The following SPECC1 variants were observed in gnomAD, a reference collection of about 807,000 sequenced individuals.
SPECC1 encodes sperm antigen with calponin homology and coiled-coil domains 1.
In SPECC1, 62 loss-of-function variants were observed where a neutral mutation model predicts 104.1. The ratio of observed to expected loss-of-function variants is 0.60; its 90% CI spans 0.49 to 0.74. SPECC1 has a LOEUF of 0.74. Among genes scored for constraint, SPECC1 ranks in the 30% least tolerant of loss-of-function variants. The pLI is 0.00. For synonymous variants in SPECC1, 513 were observed against 501.6 expected (o/e 1.02, Z -0.30); for missense variants, 1,306 against 1,310.5 (o/e 1.00, Z 0.05).
rs185504874 is a variant in SPECC1 at position 20,222,449 on chromosome 17, T to G, written c.1864-4964T>G. 1.2e-3 allele frequency among the ~76,000 whole-genome samples: 181 copies of G among 152,360 alleles called. 1 individual carries two copies. Among genetic ancestry groups the G allele is most frequent in the African/African-American group, 3.8e-3 (160 of 41,586 alleles). ...TGCAGCCATTAGATGAAATGTTCTG[T>G]AAAGGTCTGTTAGTTCCATTTGTTT... On this transcript the variant is annotated intron_variant, in intron 4 of 14. Transcript: ENST00000395527.
chr17:20,317,512 A>G lies in SPECC1; in HGVS notation c.*3447A>G, dbSNP rs937299938. On this transcript the variant is annotated 3_prime_UTR_variant, in exon 15 of 15. Coordinates refer to ENST00000395527, the MANE Select transcript of SPECC1 (RefSeq NM_001243439.2). Reference sequence around the variant, plus strand: ...GACCTCAAGTGATAAGCCTGCCTCAACCTCCCAAAGTGCTGGGACTACAGG... The same window carrying G: ...GACCTCAAGTGATAAGCCTGCCTCAGCCTCCCAAAGTGCTGGGACTACAGG... 4.9e-5 allele frequency: 9 copies of G among 184,130 alleles called. 1 individual carries two copies. Among genetic ancestry groups the G allele is most frequent in the Admixed American group, 3.1e-4 (5 of 15,962 alleles). 11.4% of individuals were successfully genotyped at this position (184,130 alleles called of 1,614,324 possible).
chr17:20,201,636 G>A (rs918547368), intron 3 of SPECC1, among the ~76,000 whole-genome samples: 5 of 152,104 alleles, frequency 3.3e-5, no homozygotes, highest in Admixed American at 6.5e-5. Context: ...TTTTTAATAC[G>A]GTCCTTGCTG....
intron 1 of SPECC1, among the ~76,000 whole-genome samples, chr17:20,066,911 ATTTTT>A (rs371289652): frequency 1.7e-5 from 2 of 120,112 alleles, no homozygotes; most frequent in South Asian, 5.6e-4. Context: ...GGCTAATCAA[ATTTTT>A]TTTTTTTTTT....
At chr17:20,106,720 C>T (rs1389913047) in intron 2 of SPECC1, among the ~76,000 whole-genome samples, 1 of 152,158 alleles carries the variant, frequency 6.6e-6, no homozygotes, top group Non-Finnish European at 1.5e-5. Flanking sequence ...ATTGTGAGGC[C>T]TCCCTAGCCA....
In SPECC1 at chr17:20,226,907, GTT is replaced by G. The variant is rs574519060; in HGVS notation, c.1864-505_1864-504del. Among the ~76,000 whole-genome samples, 1,002 of 152,154 alleles carry G rather than the reference GTT, an allele frequency of 6.6e-3. 10 individuals carry two copies. Among genetic ancestry groups the G allele is most frequent in the African/African-American group, 0.023 (949 of 41,494 alleles). On this transcript the variant is annotated intron_variant, in intron 4 of 14. Coordinates refer to ENST00000395527, the MANE Select transcript of SPECC1 (RefSeq NM_001243439.2). Reference sequence around the variant, plus strand: ...GTGTGCAGATTAGCCTGGCTTCAGGGTTGTTGTTCACAGCTCAGCAGCAGAGG... The same window carrying G: ...GTGTGCAGATTAGCCTGGCTTCAGGGGTTGTTCACAGCTCAGCAGCAGAGG...
chr17:20,260,965 A>C (rs1250713928), intron 12 of SPECC1, among the ~76,000 whole-genome samples: 1 of 152,172 alleles, frequency 6.6e-6, no homozygotes, highest in East Asian at 1.9e-4. Flanking sequence ...GGACATTTGC[A>C]ACTTTGGTTG....
Position 20,318,688 on chromosome 17 carries a change from G to A in SPECC1, c.*4623G>A, listed in dbSNP as rs998937192. 1 of 226,220 alleles carries A rather than the reference G, an allele frequency of 4.4e-6. No individual in the cohort carries two copies. Among genetic ancestry groups the A allele is most frequent in the African/African-American group, 2.2e-5 (1 of 44,900 alleles). 14.0% of individuals were successfully genotyped at this position (226,220 alleles called of 1,614,324 possible). A position where few individuals can be genotyped will look rare whatever the true frequency, so the allele number is the denominator to read the frequency against. ...TTTTGAGATGACCTACCAATGACAT[G>A]CAGTAAAGGACATAACCTCACAGCC... is the stretch of plus-strand genomic sequence containing the variant. On this transcript the variant is annotated 3_prime_UTR_variant, in exon 15 of 15. Coordinates refer to ENST00000395527, the MANE Select transcript of SPECC1 (RefSeq NM_001243439.2).
At chr17:20,277,653 C>T (rs1426236985) in intron 12 of SPECC1, among the ~76,000 whole-genome samples, 2 of 152,162 alleles carry the variant, frequency 1.3e-5, no homozygotes, top group East Asian at 1.9e-4. Context: ...CATGGTTGTG[C>T]AACCATCACT....
In SPECC1 at chr17:20,053,922, C is replaced by CA. The variant is rs2045867880; in HGVS notation, c.-21-42707dup. The stretch of plus-strand genomic sequence containing the variant: ...GATTGGCTACACACCAGTATATAAC[C>CA]AATACACACGGCAAACCTTCCGTAT... On this transcript the variant is annotated intron_variant, in intron 1 of 14. Transcript: ENST00000395527. 2.0e-5 allele frequency among the ~76,000 whole-genome samples: 3 copies of CA among 152,294 alleles called. No individual in the cohort carries two copies. The South Asian group carries it at 6.2e-4, about 32-fold the overall frequency.
At chr17:20,186,728 G>T (rs756346720) in intron 3 of SPECC1, among the ~76,000 whole-genome samples, 1 of 151,718 alleles carries the variant, frequency 6.6e-6, no homozygotes, top group Non-Finnish European at 1.5e-5. Context: ...ACCACACCTG[G>T]GTTTTTTTTG....
intron 12 of SPECC1, among the ~76,000 whole-genome samples, chr17:20,276,302 T>C (rs906490454): frequency 4.6e-5 from 7 of 152,020 alleles, no homozygotes; most frequent in African/African-American, 1.7e-4. Flanking sequence ...AAAATTTTTT[T>C]AGAGACAGGG....
chr17:20,035,132 G>A (rs2045012678), intron 1 of SPECC1, among the ~76,000 whole-genome samples: 1 of 152,046 alleles, frequency 6.6e-6, no homozygotes, highest in Non-Finnish European at 1.5e-5. Context: ...TTCTCTATTT[G>A]GTTGCATTGA....
chr17:20,268,969 G>A (rs1314940110), intron 12 of SPECC1, among the ~76,000 whole-genome samples: 1 of 152,190 alleles, frequency 6.6e-6, no homozygotes, highest in African/African-American at 2.4e-5. Flanking sequence ...AGACCTGTCA[G>A]ACTGTTCGCA....
chr17:20,078,685 T>C (rs773429706), intron 1 of SPECC1, among the ~76,000 whole-genome samples: 10 of 152,204 alleles, frequency 6.6e-5, no homozygotes, highest in African/African-American at 9.6e-5. Flanking sequence ...ACTGTACATG[T>C]TTTTAAGTAA....
intron 3 of SPECC1, among the ~76,000 whole-genome samples, chr17:20,177,850 C>CA: frequency 6.6e-6 from 1 of 152,178 alleles, no homozygotes; most frequent in South Asian, 2.1e-4. Context: ...GCTGGGCCCA[C>CA]AGGCATGTGC....
intron 1 of SPECC1, among the ~76,000 whole-genome samples, chr17:20,015,094 G>C (rs2044068212): frequency 6.6e-6 from 1 of 152,004 alleles, no homozygotes; most frequent in Admixed American, 6.6e-5. Flanking sequence ...TGTTCTTCCT[G>C]CTCAGCATTT....
intron 14 of SPECC1, among the ~76,000 whole-genome samples, chr17:20,311,101 G>T (rs66992818): frequency 0.058 from 5,419 of 94,086 alleles, 211 homozygotes; most frequent in East Asian, 0.13. Context: ...CCTTAGTGGG[G>T]TTTTTTTTTT....
intron 4 of SPECC1, among the ~76,000 whole-genome samples, chr17:20,218,187 G>A (rs1244174865): frequency 6.6e-6 from 1 of 152,106 alleles, no homozygotes; most frequent in Non-Finnish European, 1.5e-5. Context: ...AATACATAGG[G>A]CAATTGTGAG....
At position 20,194,501 on chromosome 17, in the gene SPECC1, A is replaced by ATTTTTTTTTTTTTTTTT. The variant is rs1567923485; in HGVS notation, c.284-9832_284-9831insTTTTTTTTTTTTTTTTT. On this transcript the variant is annotated intron_variant, in intron 3 of 14. Coordinates refer to ENST00000395527, the MANE Select transcript of SPECC1 (RefSeq NM_001243439.2). The stretch of plus-strand genomic sequence containing the variant: ...TTGTGTTCTGTTAGAAAAGAGAACG[A>ATTTTTTTTTTTTTTTTT]ATTTTTTTTTTTTTTTTTTTTTTTG... 5.9e-5 allele frequency among the ~76,000 whole-genome samples: 4 copies of ATTTTTTTTTTTTTTTTT among 68,130 alleles called. No individual in the cohort carries two copies. In the East Asian group the frequency reaches 4.9e-3, roughly 84 times the overall value. 44.7% of individuals were successfully genotyped at this position (68,130 alleles called of 152,430 possible). A position where few individuals can be genotyped will look rare whatever the true frequency, so the allele number is the denominator to read the frequency against.
Sources: allele counts gnomAD v4.1 joint callset (sites outside exome capture counted in the v4.1 genomes callset), GRCh38; gene constraint gnomAD v4.1.1; transcripts MANE v1.5; gene names NCBI Gene and HGNC (gene_info 2026-07-23, HGNC 2026-07-21).